The following SLC12A6 variants were observed in gnomAD, a reference collection of about 807,000 sequenced individuals.
The protein encoded by SLC12A6 is K-Cl cotransporter 3.
In SLC12A6, 66 loss-of-function variants were observed where a neutral mutation model predicts 135.3. The ratio of observed to expected loss-of-function variants is 0.49; its 90% CI spans 0.40 to 0.60. The LOEUF (loss-of-function observed/expected upper bound fraction) is 0.60. SLC12A6 is among the 20% of genes least tolerant of loss of function. SLC12A6 has a pLI of 0.00. For synonymous variants in SLC12A6, 513 were observed against 508.8 expected, an observed-to-expected ratio of 1.01 and a Z score of -0.11; for missense variants, 1,058 against 1,452.3, an observed-to-expected ratio of 0.73 and a Z score of 4.41.
rs1892354348 is a variant in SLC12A6, at chr15:34,251,054, T to G, written c.1337A>C (p.Asn446Thr). 2 of 1,605,060 alleles carry G rather than the reference T, an allele frequency of 1.2e-6. No homozygotes were observed. The highest frequency in any genetic ancestry group is 1.7e-6 in the Non-Finnish European group (2 of 1,172,106). The change falls in exon 11 of 26, where the codon AAT becomes ACT. Residue 446 changes from asparagine to threonine, a missense_variant. Physicochemically the swap from Asn to Thr is moderately conservative, Grantham distance 65. Around this residue, in one of 6 missense-constraint regions of SLC12A6, gnomAD observed 297 missense variants for 318.5 expected, o/e 0.93. Coordinates refer to ENST00000354181, the MANE Select transcript of SLC12A6 (RefSeq NM_001365088.1). ...CTTGGGTAGGTAATTACTCCAAAGA[T>G]TCTCTGCAGTGGGAAAAATGGGAAT... ...PGLASGIITE[N>T]LWSNYLPKGE... is the part of the protein sequence containing the mutation.
upstream of SLC12A6, chr15:34,338,029 C>T (rs113725181): frequency 2.0e-5 from 3 of 151,990 alleles, no homozygotes; most frequent in Non-Finnish European, 4.4e-5. Flanking sequence ...AAAGCCCCGC[C>T]CAGCCGCCGC....
chr15:34,280,613 GAGTACTCAAGA>G (rs1894612759), intron 2 of SLC12A6, among the ~76,000 whole-genome samples: 1 of 152,146 alleles, frequency 6.6e-6, no homozygotes, highest in African/African-American at 2.4e-5. Flanking sequence ...AGAGTATGGA[GAGTACTCAAGA>G]AAAGTACAAC....
chr15:34,251,037 G>T lies in SLC12A6; in HGVS notation c.1354C>A (p.Leu452Ile). The change falls in exon 11 of 26, where the codon CTA (leucine) becomes ATA (isoleucine). Residue 452 changes from leucine (L) to isoleucine (I), a missense_variant. Leu to Ile is a conservative substitution (Grantham distance 5). Around this residue, in one of 6 missense-constraint regions of SLC12A6, gnomAD observed 297 missense variants for 318.5 expected, o/e 0.93. Transcript: ENST00000354181. ...TTTTCGATGATCTCTCCCTTGGGTAGGTAATTACTCCAAAGATTCTCTGCA... is the reference window on the plus strand; with the variant it reads ...TTTTCGATGATCTCTCCCTTGGGTATGTAATTACTCCAAAGATTCTCTGCA... ...IITENLWSNY[L>I]PKGEIIEKPS... The T allele has an allele frequency of 6.2e-7, 1 of 1,609,992 alleles. No homozygotes were observed. Among genetic ancestry groups the T allele is most frequent in the South Asian group, 1.1e-5 (1 of 90,988 alleles).
At chr15:34,323,940 C>CAAAAAAAAA (rs144461318) in intron 2 of SLC12A6, among the ~76,000 whole-genome samples, 9 of 130,954 alleles carry the variant, frequency 6.9e-5, no homozygotes, top group African/African-American at 1.2e-4. Flanking sequence ...GATCTTGTCT[C>CAAAAAAAAA]AAAAAAAAAA....
Position 34,297,011 on chromosome 15 carries a change from C to T in SLC12A6, c.272-21622G>A, listed in dbSNP as rs185870068. 5.1e-4 allele frequency among the ~76,000 whole-genome samples: 77 copies of T among 152,286 alleles called. No individual in the cohort carries two copies. In the Middle Eastern group the frequency reaches 0.014, roughly 27 times the overall value. ...TTTATTAAGTTCATTTTCTACTAAA[C>T]ATCTTGATAAGTTTTAACTGATTCT... On this transcript the variant is annotated intron_variant, in intron 2 of 25. Transcript: ENST00000354181.
chr15:34,329,431 A>G (rs1020759002), intron 2 of SLC12A6, among the ~76,000 whole-genome samples: 44 of 152,360 alleles, frequency 2.9e-4, no homozygotes, highest in African/African-American at 1.1e-3. Flanking sequence ...AAAATGGGAA[A>G]GCATAACTTT....
intron 17 of SLC12A6, 108 bp downstream of exon 17, chr15:34,241,994 T>C (rs990451805): frequency 1.0e-4 from 86 of 826,910 alleles, no homozygotes; most frequent in Non-Finnish European, 1.5e-4. Context: ...AATATAGTTA[T>C]GAAAATGAAG....
At chr15:34,261,115 T>TAACC (rs1893094053) in intron 3 of SLC12A6, 95 bp from the exon 4 acceptor site, 1 of 750,106 alleles carries the variant, frequency 1.3e-6, no homozygotes, top group Non-Finnish European at 2.5e-6. Flanking sequence ...GGTATTAATA[T>TAACC]AACCCATTTT....
In SLC12A6 at chr15:34,255,289, G is replaced by A. The variant is rs753466496; in HGVS notation, c.849C>T (p.Tyr283=). Residue 283 remains tyrosine, a synonymous_variant, in exon 8 of 26, where the codon TAC becomes TAT. Coordinates refer to ENST00000354181, the MANE Select transcript of SLC12A6 (RefSeq NM_001365088.1). ...GAAAGATTTCAATGGCACCAAGGAT[G>A]TACATGGCTGCTGCAAATGTGGTAC... ...YLGTTFAAAM[Y]ILGAIEIFLV... The A allele has an allele frequency of 9.3e-6, 15 of 1,610,130 alleles. No individual in the cohort carries two copies. In the South Asian group the frequency reaches 1.4e-4, roughly 15 times the overall value.
rs547586124 is a variant in SLC12A6 at position 34,279,126 on chromosome 15, C to G, written c.272-3737G>C. Among the ~76,000 whole-genome samples, 327 of 151,780 alleles carry G rather than the reference C, an allele frequency of 2.2e-3. 2 individuals carry two copies. The highest frequency in any genetic ancestry group is 7.7e-3 in the African/African-American group (321 of 41,444). On this transcript the variant is annotated intron_variant, in intron 2 of 25. Transcript: ENST00000354181. ...GGTCAGGCGTTCAGGACCAGCCTGG[C>G]TAACGTGGTGAAACCCCATCTCTAC...
chr15:34,237,339 C>G lies in SLC12A6; in HGVS notation c.2934+80G>C, dbSNP rs546153714. 7 of 1,393,308 alleles carry G rather than the reference C, an allele frequency of 5.0e-6. No individual in the cohort carries two copies. In the East Asian group the frequency reaches 1.7e-4, roughly 33 times the overall value. The allele number at this position is 1,393,308 out of a possible 1,614,324, so 86.3% of individuals were successfully genotyped here. A position where few individuals can be genotyped will look rare whatever the true frequency, so the allele number is the denominator to read the frequency against. ...TCCACATTTAGATCTGAAAAATTTC[C>G]CAAACCAGAAAAGATTCAAGGAAGA... On this transcript the variant is annotated intron_variant, in intron 22 of 25. Transcript: ENST00000354181.
chr15:34,278,530 C>G (rs764216135), intron 2 of SLC12A6, among the ~76,000 whole-genome samples: 36 of 152,210 alleles, frequency 2.4e-4, no homozygotes, highest in Non-Finnish European at 4.4e-4. Context: ...AGCCAGGAGT[C>G]TTCCTTTGAA....
At chr15:34,286,544 C>T (rs7163919) in intron 2 of SLC12A6, among the ~76,000 whole-genome samples, 20,461 of 151,800 alleles carry the variant, frequency 0.13, 1,509 homozygotes, top group East Asian at 0.32. Flanking sequence ...CCTGTAATCC[C>T]AGCACTTTGG....
chr15:34,287,201 C>T (rs549404082), intron 2 of SLC12A6, among the ~76,000 whole-genome samples: 1 of 152,234 alleles, frequency 6.6e-6, no homozygotes, highest in Admixed American at 6.5e-5. Context: ...TCTCATTGTT[C>T]AACTCCCACT....
chr15:34,229,901 CAA>C lies in SLC12A6; in HGVS notation c.*3978_*3979del, dbSNP rs753809273. On this transcript the variant is annotated 3_prime_UTR_variant, in exon 26 of 26. Transcript: ENST00000354181. ...ACTAATCACTTATGTTAAAAAGAAC[CAA>C]AAGACTCTTTTCTCCATGGTGGGGT... is the stretch of plus-strand genomic sequence containing the variant. 1.0e-5 allele frequency: 10 copies of C among 1,003,216 alleles called. No individual in the cohort carries two copies. The highest frequency in any genetic ancestry group is 1.6e-5 in the African/African-American group (1 of 62,056). The allele number at this position is 1,003,216 out of a possible 1,614,324, so 62.1% of individuals were successfully genotyped here. A position where few individuals can be genotyped will look rare whatever the true frequency, so the allele number is the denominator to read the frequency against.
intron 2 of SLC12A6, among the ~76,000 whole-genome samples, chr15:34,316,870 A>T (rs2141106853): frequency 6.6e-6 from 1 of 152,382 alleles, no homozygotes; most frequent in South Asian, 2.1e-4. Context: ...AAATGAAATG[A>T]GGTACAGATG....
At chr15:34,296,767 G>A (rs1177725364) in intron 2 of SLC12A6, among the ~76,000 whole-genome samples, 2 of 152,128 alleles carry the variant, frequency 1.3e-5, no homozygotes, top group African/African-American at 4.8e-5. Flanking sequence ...ACACAGAGAA[G>A]GTAAAGGAAA....
chr15:34,286,072 C>CA (rs575637933), intron 2 of SLC12A6, among the ~76,000 whole-genome samples: 3 of 148,260 alleles, frequency 2.0e-5, no homozygotes, highest in Non-Finnish European at 4.5e-5. Flanking sequence ...GGTTTTATTG[C>CA]TTTTTTTTTT....
chr15:34,327,896 T>A (rs929861518), intron 2 of SLC12A6, among the ~76,000 whole-genome samples: 1 of 152,148 alleles, frequency 6.6e-6, no homozygotes, highest in Non-Finnish European at 1.5e-5. Context: ...GAAATTCAGG[T>A]GCTACTTTGC....
Sources: gnomAD v4.1 joint callset for allele counts (sites outside exome capture counted in the v4.1 genomes callset) on GRCh38, gnomAD v4.1.1 for gene constraint, gnomAD v4.1.1 regional missense constraint, MANE v1.5 for transcripts, NCBI Gene and HGNC (gene_info 2026-07-23, HGNC 2026-07-21) for gene names.